PLEKHA6: variants seen among roughly 807,000 people sequenced by gnomAD.
PLEKHA6 encodes the protein pleckstrin homology domain containing A6.
PLEKHA6 carries 60 observed loss-of-function variants against 116.7 expected under a neutral mutation model. That is an observed-to-expected ratio of 0.51 (90% CI 0.42 to 0.64). The LOEUF is 0.64. PLEKHA6 is among the 30% of genes least tolerant of loss of function. The pLI is 0.00. For synonymous variants in PLEKHA6, 489 were observed against 556.1 expected (o/e 0.88, Z 1.70); for missense variants, 1,338 against 1,422.7 (o/e 0.94, Z 0.96).
At chr1:204,252,421 C>T (rs1043341062) in intron 9 of PLEKHA6, among the ~76,000 whole-genome samples, 6 of 151,900 alleles carry the variant, frequency 3.9e-5, no homozygotes, top group Non-Finnish European at 8.8e-5. Context: ...ATCATTTCCC[C>T]CACTGGTTCC....
intron 11 of PLEKHA6, 78 bp downstream of exon 11, chr1:204,249,106 T>G: frequency 6.7e-7 from 1 of 1,482,108 alleles, no homozygotes; most frequent in Non-Finnish European, 9.4e-7. Flanking sequence ...TCAGTCAGGT[T>G]GGAGACAGCA....
intron 1 of PLEKHA6, among the ~76,000 whole-genome samples, chr1:204,376,684 C>T (rs1443125080): frequency 1.3e-5 from 2 of 152,130 alleles, no homozygotes; most frequent in African/African-American, 4.8e-5. Context: ...TCTCTTAGAC[C>T]GGTACTTCAA....
chr1:204,255,315 G>GA lies in PLEKHA6; in HGVS notation c.1524+2037dup, dbSNP rs543519026. On this transcript the variant is annotated intron_variant, in intron 9 of 22. Transcript: ENST00000272203. ...ACTCTGCGACTCCCTCCTCTCGCCA[G>GA]AAAAAATGCAAATTCCCACCTGCCC... 3.3e-3 allele frequency among the ~76,000 whole-genome samples: 505 copies of GA among 152,264 alleles called. 1 individual carries two copies. Among genetic ancestry groups the GA allele is most frequent in the Non-Finnish European group, 5.4e-3 (370 of 68,014 alleles).
chr1:204,244,224 T>C (rs1032802522), intron 15 of PLEKHA6, among the ~76,000 whole-genome samples: 1 of 151,802 alleles, frequency 6.6e-6, no homozygotes, highest in Non-Finnish European at 1.5e-5. Context: ...CTCCACCTCC[T>C]GGGTTCAAGC....
At chr1:204,242,120 T>G (rs6702854) in intron 15 of PLEKHA6, among the ~76,000 whole-genome samples, 78,651 of 151,990 alleles carry the variant, frequency 0.52, 20,998 homozygotes, top group African/African-American at 0.66. Flanking sequence ...GTGAGCCAGA[T>G]TCAAGGAATG....
chr1:204,342,774 G>T (rs1360787007), intron 1 of PLEKHA6, among the ~76,000 whole-genome samples: 1 of 152,166 alleles, frequency 6.6e-6, no homozygotes, highest in Non-Finnish European at 1.5e-5. Context: ...TAGAGTTGGA[G>T]GTAAGGAAGT....
chr1:204,240,724 A>G (rs952706725), intron 17 of PLEKHA6, among the ~76,000 whole-genome samples: 3 of 152,196 alleles, frequency 2.0e-5, no homozygotes, highest in Non-Finnish European at 4.4e-5. Context: ...TATGGGTTCA[A>G]GTTGACAAGG....
At chr1:204,335,300 G>C (rs1282602815) in intron 1 of PLEKHA6, among the ~76,000 whole-genome samples, 3 of 152,066 alleles carry the variant, frequency 2.0e-5, no homozygotes, top group Non-Finnish European at 4.4e-5. Context: ...AGCTGGGCAG[G>C]GGGGTGTTTA....
chr1:204,269,782 CT>C (rs1274735940), intron 3 of PLEKHA6, among the ~76,000 whole-genome samples: 1 of 152,166 alleles, frequency 6.6e-6, no homozygotes, highest in Admixed American at 6.5e-5. Context: ...TCCTCTGAGA[CT>C]TAGCTCCACC....
intron 1 of PLEKHA6, among the ~76,000 whole-genome samples, chr1:204,340,841 C>G (rs1406092805): frequency 6.6e-6 from 1 of 152,204 alleles, no homozygotes; most frequent in South Asian, 2.1e-4. Context: ...ATCCCCGAAA[C>G]AGACTTACAC....
chr1:204,287,173 C>A (rs975460954), intron 1 of PLEKHA6, among the ~76,000 whole-genome samples: 17 of 152,034 alleles, frequency 1.1e-4, no homozygotes, highest in African/African-American at 3.9e-4. Flanking sequence ...AACAAAAGGG[C>A]TCCTAGCTGG....
At chr1:204,276,910 G>GA (rs1668071916) in intron 1 of PLEKHA6, 1 of 152,620 alleles carries the variant, frequency 6.6e-6, no homozygotes, top group Non-Finnish European at 1.5e-5. Flanking sequence ...CCCTCACTCT[G>GA]AAGCCCCCGG....
At position 204,219,217 on chromosome 1, in the gene PLEKHA6, A is replaced by T. The variant is rs1198454676; in HGVS notation, c.*3571T>A. The T allele has an allele frequency of 6.7e-6, 1 of 150,068 alleles. No homozygotes were observed. The highest frequency in any genetic ancestry group is 1.5e-5 in the Non-Finnish European group (1 of 67,722). 9.3% of individuals were successfully genotyped at this position (150,068 alleles called of 1,614,324 possible). Reference sequence around the variant, plus strand: ...GGCCCCAATATGTGCATAAATAGATATACGTGTGTGTGTGTGTGTGTGTGT... The same window carrying T: ...GGCCCCAATATGTGCATAAATAGATTTACGTGTGTGTGTGTGTGTGTGTGT... On this transcript the variant is annotated 3_prime_UTR_variant, in exon 23 of 23. Transcript: ENST00000272203.
intron 1 of PLEKHA6, among the ~76,000 whole-genome samples, chr1:204,310,872 G>A (rs1671632371): frequency 6.6e-6 from 1 of 152,238 alleles, no homozygotes; most frequent in Non-Finnish European, 1.5e-5. Flanking sequence ...GGAGAGAAAA[G>A]AGGCTCTGCT....
In PLEKHA6 at chr1:204,374,792, C is replaced by A. The variant is rs192918281; in HGVS notation, c.83+2791G>T. On this transcript the variant is annotated intron_variant, in intron 1 of 4. Transcript: ENST00000564627. Reference sequence around the variant, plus strand: ...CATGTCTCGCACTCCTCATTCCTGACCAAACATTCAACAGTAGTCACTCCT... The same window carrying A: ...CATGTCTCGCACTCCTCATTCCTGAACAAACATTCAACAGTAGTCACTCCT... Among the ~76,000 whole-genome samples, 4 of 152,210 alleles carry A rather than the reference C, an allele frequency of 2.6e-5. No individual in the cohort carries two copies. The East Asian group carries it at 7.7e-4, about 29-fold the overall frequency.
At chr1:204,362,485 A>G (rs1278285855), upstream of PLEKHA6, among the ~76,000 whole-genome samples, 2 of 151,274 alleles carry the variant, frequency 1.3e-5, no homozygotes, top group African/African-American at 4.9e-5. Flanking sequence ...ACTCCCTACC[A>G]TACAGTCTTG....
At chr1:204,275,005 G>A (rs2102911718) in intron 1 of PLEKHA6, 196 bp from the exon 2 acceptor site, 1 of 886,784 alleles carries the variant, frequency 1.1e-6, no homozygotes, top group Non-Finnish European at 1.4e-6. Context: ...GGAAGGAAGA[G>A]ATGAAGCCTG....
chr1:204,228,508 G>A lies in PLEKHA6; in HGVS notation c.2885+220C>T, dbSNP rs562764878. On this transcript the variant is annotated intron_variant, in intron 20 of 22. Coordinates refer to ENST00000272203, the MANE Select transcript of PLEKHA6 (RefSeq NM_014935.5). This position sits in a 1 kb window ranked among gnomAD's most constrained non-coding sequence, Gnocchi z 4.0. ...CACCAGAGGGCGAGCCTTCAGTTTT[G>A]TCTCGATGGTGTGGTGTGCACGAGC... is the stretch of plus-strand genomic sequence containing the variant. 4.0e-4 allele frequency among the ~76,000 whole-genome samples: 61 copies of A among 152,246 alleles called. No homozygotes were observed. Among genetic ancestry groups the A allele is most frequent in the African/African-American group, 1.4e-3 (59 of 41,538 alleles).
intron 2 of PLEKHA6, among the ~76,000 whole-genome samples, chr1:204,370,606 T>A (rs1673755540): frequency 6.6e-6 from 1 of 152,218 alleles, no homozygotes; most frequent in Non-Finnish European, 1.5e-5. Flanking sequence ...CCTGTTTGTG[T>A]CCCACCTTTC....
Sources: allele counts gnomAD v4.1 joint callset (sites outside exome capture counted in the v4.1 genomes callset), GRCh38; gene constraint gnomAD v4.1.1; non-coding constraint Gnocchi (gnomAD v3.1); transcripts MANE v1.5; gene names NCBI Gene and HGNC (gene_info 2026-07-23, HGNC 2026-07-21).